The following IGLON5 variants were observed in gnomAD, a reference collection of about 807,000 sequenced individuals.
The protein encoded by IGLON5 is Ig-like domain-containing protein ENSP00000270642.
In IGLON5, 16 loss-of-function variants were observed where a neutral mutation model predicts 38.2. That is an observed-to-expected ratio of 0.42 (90% CI 0.28 to 0.64). The LOEUF is 0.64. Among genes scored for constraint, IGLON5 ranks in the 30% least tolerant of loss-of-function variants. The pLI, the probability that IGLON5 is intolerant of heterozygous loss-of-function variation, is 0.23. For missense variants in IGLON5, 366 were observed against 483.4 expected, an observed-to-expected ratio of 0.76 and a Z score of 2.28; for synonymous variants, 207 against 216.4, an observed-to-expected ratio of 0.96 and a Z score of 0.38.
At chr19:51,311,973 T>C in intron 1 of IGLON5, 47 bp downstream of exon 1, 1 of 1,090,808 alleles carries the variant, frequency 9.2e-7, no homozygotes, top group South Asian at 2.7e-5. Context: ...CGCCAGGGTC[T>C]TGGGTGGGTA....
intron 1 of IGLON5, among the ~76,000 whole-genome samples, chr19:51,312,384 G>T (rs951228211): frequency 6.6e-6 from 1 of 152,070 alleles, no homozygotes; most frequent in Non-Finnish European, 1.5e-5. Flanking sequence ...GGTCCTTGCC[G>T]GGGGCTGGGG....
rs1332735540 is a variant in IGLON5 at position 51,324,308 on chromosome 19, A to G, written c.391+414A>G. ...GACGCCTTTGGCTGGGCACAGGGCT[A>G]AGACCGGAAAAGAAACAGTGTGTGC... On this transcript the variant is annotated intron_variant, in intron 3 of 7. Transcript: ENST00000270642. The surrounding 1 kb of genome is among the most constrained non-coding windows in gnomAD (Gnocchi z 4.2). Among the ~76,000 whole-genome samples, 2 of 152,202 alleles carry G rather than the reference A, an allele frequency of 1.3e-5. No individual in the cohort carries two copies. Among genetic ancestry groups the G allele is most frequent in the Non-Finnish European group, 2.9e-5 (2 of 68,020 alleles).
Position 51,311,779 on chromosome 19 carries a change from C to T in IGLON5, c.-69C>T, listed in dbSNP as rs1202207265. ...GGGTCCCCCTCCCCCTCCCCCCTCT[C>T]CCCCCAGGCCTCGCGCGCCCCGGAC... On this transcript the variant is annotated 5_prime_UTR_variant, in exon 1 of 8. Transcript: ENST00000270642. The T allele has an allele frequency of 1.5e-5, 4 of 269,458 alleles. No homozygotes were observed. Among genetic ancestry groups the T allele is most frequent in the Admixed American group, 5.5e-5 (1 of 18,290 alleles). The allele number at this position is 269,458 out of a possible 1,614,324, so 16.7% of individuals were successfully genotyped here.
intron 1 of IGLON5, among the ~76,000 whole-genome samples, chr19:51,314,187 A>G (rs1175799409): frequency 1.5e-5 from 2 of 131,076 alleles, no homozygotes; most frequent in South Asian, 5.1e-4. Flanking sequence ...CACATTCACT[A>G]TTTTTTTTTT....
In IGLON5 at chr19:51,311,909, T is replaced by G; in HGVS notation, c.62T>G (p.Leu21Trp). The change falls in exon 1 of 8, where the codon TTG (leucine) becomes TGG (tryptophan). Residue 21 changes from leucine to tryptophan, a missense_variant. Physicochemically the swap from Leu to Trp is moderately conservative, Grantham distance 61 (BLOSUM62 -2). Transcript: ENST00000270642. ...RLLAAAALAG[L>W]AVISRGLLSQ... ...CTCGCCGCCGCCGCCCTGGCCGGCT[T>G]GGCCGTCATCAGCCGAGGTACCGCA... 1 of 1,364,498 alleles carries G rather than the reference T, an allele frequency of 7.3e-7. No homozygotes were observed. The highest frequency in any genetic ancestry group is 9.5e-7 in the Non-Finnish European group (1 of 1,054,654). The allele number at this position is 1,364,498 out of a possible 1,614,324, so 84.5% of individuals were successfully genotyped here. A position where few individuals can be genotyped will look rare whatever the true frequency, so the allele number is the denominator to read the frequency against.
chr19:51,318,946 G>T (rs758805109), intron 1 of IGLON5, among the ~76,000 whole-genome samples: 5 of 152,210 alleles, frequency 3.3e-5, no homozygotes, highest in Non-Finnish European at 7.3e-5. Flanking sequence ...GGGGGTGTGT[G>T]ATTTTGCCCC....
chr19:51,317,097 C>G (rs1984944079), intron 1 of IGLON5, among the ~76,000 whole-genome samples: 9 of 152,194 alleles, frequency 5.9e-5, no homozygotes, highest in Admixed American at 3.3e-4. Context: ...CCCAAGGTCA[C>G]TCAGCTTGTT....
rs752628449 is a variant in IGLON5, at chr19:51,322,073, C to T, written c.89C>T (p.Ser30Phe). The change falls in exon 2 of 8, where the codon TCC becomes TTC. Residue 30 changes from serine (S) to phenylalanine (F), a missense_variant. Physicochemically the swap from Ser to Phe is radical, Grantham distance 155 (BLOSUM62 -2). Transcript: ENST00000270642. ...CCCCCACCTTCCACAGGGCTGCTCT[C>T]CCAGAGCCTGGAGTTCAACTCTCCT... Reference protein sequence around the residue: ...GLAVISRGLLSQSLEFNSPAD... With the variant: ...GLAVISRGLLFQSLEFNSPAD... 1 of 1,613,234 alleles carries T rather than the reference C, an allele frequency of 6.2e-7. No individual in the cohort carries two copies. Among genetic ancestry groups the T allele is most frequent in the Non-Finnish European group, 8.5e-7 (1 of 1,179,832 alleles).
chr19:51,323,338 C>T (rs1179535995), intron 2 of IGLON5, among the ~76,000 whole-genome samples: 1 of 152,044 alleles, frequency 6.6e-6, no homozygotes, highest in South Asian at 2.1e-4. Context: ...GGGTCTCTGT[C>T]CCTCTCTCTA....
intron 1 of IGLON5, among the ~76,000 whole-genome samples, chr19:51,313,695 C>CTTTCTTTCTTTCTTTCTTTCT (rs57541204): frequency 4.3e-4 from 22 of 51,222 alleles, no homozygotes; most frequent in Non-Finnish European, 9.1e-4. Flanking sequence ...TTCTTTCTTT[C>CTTTCTTTCTTTCTTTCTTTCT]TTCTTTCTTC....
chr19:51,319,305 G>A (rs769719112), intron 1 of IGLON5, among the ~76,000 whole-genome samples: 7 of 19,626 alleles, frequency 3.6e-4, no homozygotes, highest in Non-Finnish European at 6.0e-4. Flanking sequence ...GTGTGTGTGC[G>A]TGTGTGTGTG....
At chr19:51,318,895 C>G (rs144065327) in intron 1 of IGLON5, among the ~76,000 whole-genome samples, 2 of 152,192 alleles carry the variant, frequency 1.3e-5, no homozygotes, top group Non-Finnish European at 2.9e-5. Flanking sequence ...CTCTTCCCCC[C>G]ACTTCTTGGT....
chr19:51,328,597 T>C (rs1182083591), intron 7 of IGLON5, 74 bp from the exon 8 acceptor site: 5 of 918,368 alleles, frequency 5.4e-6, no homozygotes, highest in Admixed American at 3.1e-5. Flanking sequence ...TCAGAAGAGA[T>C]GGGGCCCCTG....
chr19:51,325,585 T>A lies in IGLON5; in HGVS notation c.511+120T>A. On this transcript the variant is annotated intron_variant, in intron 4 of 7. Transcript: ENST00000270642. This position sits in a 1 kb window ranked among gnomAD's most constrained non-coding sequence, Gnocchi z 5.5. Reference sequence around the variant, plus strand: ...TTCTCCCTGGCCCCTTGGCTTCCCCTCCCACTCTGCTTCCAGTTATTTCAT... The same window carrying A: ...TTCTCCCTGGCCCCTTGGCTTCCCCACCCACTCTGCTTCCAGTTATTTCAT... 9.3e-7 allele frequency: 1 copy of A among 1,070,260 alleles called. No homozygotes were observed. Among genetic ancestry groups the A allele is most frequent in the Non-Finnish European group, 1.3e-6 (1 of 775,758 alleles). 66.3% of individuals were successfully genotyped at this position (1,070,260 alleles called of 1,614,324 possible).
At chr19:51,326,632 C>A in intron 4 of IGLON5, 132 bp from the exon 5 acceptor site, 1 of 372,650 alleles carries the variant, frequency 2.7e-6, no homozygotes, top group South Asian at 3.3e-5. Context: ...TCCCCCACCC[C>A]ACCCCCATTG....
At chr19:51,314,506 A>G (rs1984865478) in intron 1 of IGLON5, among the ~76,000 whole-genome samples, 1 of 152,152 alleles carries the variant, frequency 6.6e-6, no homozygotes, top group Admixed American at 6.5e-5. Flanking sequence ...TAAAGTCCCT[A>G]TAAATCATTA....
intron 1 of IGLON5, among the ~76,000 whole-genome samples, chr19:51,314,980 T>G (rs1231104682): frequency 6.6e-6 from 1 of 152,164 alleles, no homozygotes; most frequent in Non-Finnish European, 1.5e-5. Flanking sequence ...TTGGTTGGTT[T>G]GTTGATTTTT....
At position 51,327,852 on chromosome 19, in the gene IGLON5, A is replaced by C; in HGVS notation, c.888A>C (p.Arg296=). The C allele has an allele frequency of 6.5e-7, 1 of 1,540,910 alleles. No individual in the cohort carries two copies. Among genetic ancestry groups the C allele is most frequent in the Non-Finnish European group, 8.8e-7 (1 of 1,142,658 alleles). The change falls in exon 7 of 8, where the codon CGA becomes CGC. Residue 296 remains arginine, a synonymous_variant. Transcript: ENST00000270642. This position sits in a 1 kb window ranked among gnomAD's most constrained non-coding sequence, Gnocchi z 7.1. The part of the protein sequence containing the change: ...YGNYTCRAAN[R]LGASSASMRL... ...ACTATACGTGTCGCGCCGCCAACCGACTGGGAGCGTCCAGCGCCTCCATGC... is the reference window on the plus strand; with the variant it reads ...ACTATACGTGTCGCGCCGCCAACCGCCTGGGAGCGTCCAGCGCCTCCATGC...
intron 7 of IGLON5, among the ~76,000 whole-genome samples, chr19:51,328,443 C>T (rs1985268614): frequency 6.8e-6 from 1 of 146,698 alleles, no homozygotes; most frequent in Non-Finnish European, 1.5e-5. Flanking sequence ...ACCTGGGAGG[C>T]AGAGGTTACA....
Sources: gnomAD v4.1 joint callset for allele counts (sites outside exome capture counted in the v4.1 genomes callset) on GRCh38, gnomAD v4.1.1 for gene constraint, Gnocchi (gnomAD v3.1) non-coding constraint, MANE v1.5 for transcripts, NCBI Gene and HGNC (gene_info 2026-07-23, HGNC 2026-07-21) for gene names.